Variants in ITGAE observed in about 807,000 individuals in gnomAD.
ITGAE encodes the protein integrin alpha-E.
Under a neutral mutation model 136.5 loss-of-function variants are expected in ITGAE, and 99 were observed. The ratio of observed to expected loss-of-function variants is 0.73; its 90% confidence interval spans 0.62 to 0.86. The LOEUF is 0.86. ITGAE is among the 40% of genes least tolerant of loss of function. The pLI is 0.00. For synonymous variants in ITGAE, 613 were observed against 591.8 expected (o/e 1.04, Z -0.52); for missense variants, 1,447 against 1,515.3 (o/e 0.95, Z 0.75).
intron 1 of ITGAE, chr17:3,784,388 A>G (rs753967876): frequency 3.3e-5 from 9 of 274,382 alleles, no homozygotes. Flanking sequence ...CAACAATGGA[A>G]AAAGAAACAT....
intron 1 of ITGAE, among the ~76,000 whole-genome samples, chr17:3,800,295 A>T (rs2053220310): frequency 6.6e-6 from 1 of 152,064 alleles, no homozygotes; most frequent in South Asian, 2.1e-4. Context: ...GAACTCAGCT[A>T]CCAGGAGCCT....
At chr17:3,796,007 G>A (rs2053074460) in intron 1 of ITGAE, among the ~76,000 whole-genome samples, 1 of 149,036 alleles carries the variant, frequency 6.7e-6, no homozygotes, top group African/African-American at 2.5e-5. Context: ...GCATCCGTGT[G>A]TGCATCCATG....
intron 1 of ITGAE, among the ~76,000 whole-genome samples, chr17:3,796,501 G>A (rs1230848944): frequency 6.6e-6 from 1 of 152,126 alleles, no homozygotes; most frequent in African/African-American, 2.4e-5. Context: ...ATCAAATGGG[G>A]CGATACGCGG....
Position 3,734,930 on chromosome 17 carries a change from G to C in ITGAE, c.2542C>G (p.Leu848Val), listed in dbSNP as rs2143012028. Residue 848 changes from leucine (L) to valine (V), a missense_variant, in exon 21 of 31, where the codon CTC (leucine) becomes GTC (valine). By Grantham distance (32) the Leu-to-Val change is conservative. This residue lies in a region of ITGAE where 1,031 missense variants were observed against 1,011.4 expected (regional missense o/e 1.02). Transcript: ENST00000263087. ...TVSQQELVVG[L>V]TKELTLNINL... ...ATGTTCAGGGTCAGCTCCTTTGTGAGACCCACCACCAACTCCTGCCTGCAC... is the reference window on the plus strand; with the variant it reads ...ATGTTCAGGGTCAGCTCCTTTGTGACACCCACCACCAACTCCTGCCTGCAC... 2 of 1,614,170 alleles carry C rather than the reference G, an allele frequency of 1.2e-6. No individual in the cohort carries two copies. Among genetic ancestry groups the C allele is most frequent in the Middle Eastern group, 1.6e-4 (1 of 6,062 alleles).
chr17:3,768,367 T>G (rs2052347265), intron 2 of ITGAE, among the ~76,000 whole-genome samples: 1 of 152,156 alleles, frequency 6.6e-6, no homozygotes, highest in South Asian at 2.1e-4. Flanking sequence ...TCAGGTAATC[T>G]TCCTGCCTTG....
In ITGAE at chr17:3,751,408, T is replaced by C. The variant is rs220483; in HGVS notation, c.1893+242A>G. ...AGACAGGTACCGCCACAACCTCCCC[T>C]GAACCTGAAGGGGCCGAGGTGAAGC... On this transcript the variant is annotated intron_variant, in intron 15 of 30. Transcript: ENST00000263087. 0.81 allele frequency among the ~76,000 whole-genome samples: 123,321 copies of C among 151,490 alleles called. 51,296 individuals are homozygous for C. The highest frequency in any genetic ancestry group is 0.93 in the African/African-American group (38,453 of 41,316).
chr17:3,778,954 TCAAA>T (rs1488572320), intron 1 of ITGAE, among the ~76,000 whole-genome samples: 3 of 151,882 alleles, frequency 2.0e-5, no homozygotes, highest in Non-Finnish European at 4.4e-5. Flanking sequence ...GAAAGGGAAT[TCAAA>T]CAGAGCACAG....
At chr17:3,716,610 G>A (rs541829334) in intron 30 of ITGAE, 78 bp downstream of exon 30, 8 of 845,980 alleles carry the variant, frequency 9.5e-6, no homozygotes, top group African/African-American at 3.4e-5. Flanking sequence ...TAAGTCAGAG[G>A]TTGGCTGTCC....
At chr17:3,720,621 G>A in intron 28 of ITGAE, 2 of 357,758 alleles carry the variant, frequency 5.6e-6, no homozygotes, top group South Asian at 6.2e-5. Context: ...TCGCTCTTTC[G>A]CCCAGGCTGG....
Position 3,747,932 on chromosome 17 carries a change from G to C in ITGAE, c.2145C>G (p.Ala715=), listed in dbSNP as rs753588483. 18 of 1,608,012 alleles carry C rather than the reference G, an allele frequency of 1.1e-5. No homozygotes were observed. The East Asian group carries it at 4.0e-4, about 36-fold the overall frequency. ...GGACCATTTTTTTACCTGACTCAGAGGCTGTGGTTACAGAGCTGATTTCAA... is the reference window on the plus strand; with the variant it reads ...GGACCATTTTTTTACCTGACTCAGACGCTGTGGTTACAGAGCTGATTTCAA... ...LCFEISSVTT[A]SESGLREALL... The change falls in exon 17 of 31, where the codon GCC becomes GCG. Residue 715 remains alanine, a synonymous_variant. Transcript: ENST00000263087.
chr17:3,737,256 G>T (rs2051479725), intron 20 of ITGAE, among the ~76,000 whole-genome samples: 1 of 152,200 alleles, frequency 6.6e-6, no homozygotes, highest in Non-Finnish European at 1.5e-5. Context: ...TCGCGCCACT[G>T]CACTCCTGCC....
At chr17:3,731,677 A>G (rs1204503796) in intron 22 of ITGAE, among the ~76,000 whole-genome samples, 1 of 151,948 alleles carries the variant, frequency 6.6e-6, no homozygotes, top group Non-Finnish European at 1.5e-5. Context: ...ACAAATATGG[A>G]GTAAGCAAGG....
At chr17:3,762,385 G>A (rs2052194586) in intron 3 of ITGAE, among the ~76,000 whole-genome samples, 3 of 152,096 alleles carry the variant, frequency 2.0e-5, no homozygotes, top group Admixed American at 2.0e-4. Flanking sequence ...GACTGGCTGT[G>A]TGGACCAAGG....
At chr17:3,794,021 C>G (rs936023580) in intron 1 of ITGAE, among the ~76,000 whole-genome samples, 7 of 144,094 alleles carry the variant, frequency 4.9e-5, no homozygotes, top group Non-Finnish European at 9.0e-5. Context: ...TATTGTCGCC[C>G]AGGCTGGAGT....
intron 2 of ITGAE, 41 bp downstream of exon 2, chr17:3,777,499 C>G (rs2052571096): frequency 6.4e-7 from 1 of 1,562,178 alleles, no homozygotes. Flanking sequence ...TGCCTGGAAG[C>G]CCCTCAGTCT....
intron 11 of ITGAE, 111 bp from the exon 12 acceptor site, chr17:3,755,372 G>T: frequency 7.8e-7 from 1 of 1,284,596 alleles, no homozygotes; most frequent in Admixed American, 2.9e-5. Context: ...GCAGGGGGGC[G>T]TTCGGTGGTC....
chr17:3,721,181 A>G (rs2051042351), intron 28 of ITGAE, among the ~76,000 whole-genome samples: 2 of 147,730 alleles, frequency 1.4e-5, no homozygotes, highest in Non-Finnish European at 3.0e-5. Flanking sequence ...CACCCACCTT[A>G]GCCTCCCACA....
rs1472419160 is a variant in ITGAE at position 3,801,185 on chromosome 17, G to A, written c.-41C>T. ...GGCGGCTGTGTGGGAGCCGAGGCGAGTGCGACACATGGGCCGTGGCCCACT... is the reference window on the plus strand; with the variant it reads ...GGCGGCTGTGTGGGAGCCGAGGCGAATGCGACACATGGGCCGTGGCCCACT... On this transcript the variant is annotated 5_prime_UTR_variant, in exon 1 of 31. Transcript: ENST00000263087. 3 of 1,605,866 alleles carry A rather than the reference G, an allele frequency of 1.9e-6. No individual in the cohort carries two copies. The highest frequency in any genetic ancestry group is 2.5e-6 in the Non-Finnish European group (3 of 1,179,254).
intron 28 of ITGAE, 182 bp from the exon 29 acceptor site, chr17:3,720,584 CTTTTT>C (rs66495360): frequency 1.0e-4 from 33 of 321,382 alleles, no homozygotes; most frequent in African/African-American, 1.9e-4. Flanking sequence ...CTTCAACTTC[CTTTTT>C]TTTTTTTTTT....
Sources: allele counts gnomAD v4.1 joint callset (sites outside exome capture counted in the v4.1 genomes callset), GRCh38; gene constraint gnomAD v4.1.1; regional missense constraint gnomAD v4.1.1; transcripts MANE v1.5; gene names NCBI Gene and HGNC (gene_info 2026-07-23, HGNC 2026-07-21).